Variants in PACS2 observed in about 807,000 individuals in gnomAD.
PACS2 encodes PACS1-like protein.
A neutral mutation model predicts 113.0 loss-of-function variants in PACS2; 36 were observed. That is an observed-to-expected ratio of 0.32 (90% CI 0.24 to 0.42). The LOEUF (loss-of-function observed/expected upper bound fraction) is 0.42. Among genes scored for constraint, PACS2 ranks in the 10% least tolerant of loss-of-function variants. The pLI is 1.00. For missense variants in PACS2, 1,015 were observed against 1,239.5 expected (o/e 0.82, Z 2.72); for synonymous variants, 589 against 536.1 (o/e 1.10, Z -1.36).
intron 8 of PACS2, among the ~76,000 whole-genome samples, chr14:105,375,315 T>C (rs1319487200): frequency 6.6e-6 from 1 of 151,804 alleles, no homozygotes; most frequent in Non-Finnish European, 1.5e-5. Context: ...CCATCTCTAC[T>C]AAAAATACAA....
chr14:105,335,439 C>T (rs942471889), intron 1 of PACS2, among the ~76,000 whole-genome samples: 8 of 151,694 alleles, frequency 5.3e-5, no homozygotes, highest in African/African-American at 9.7e-5. Context: ...CGGCGCCTGG[C>T]GTGGCTCTGA....
intron 4 of PACS2, among the ~76,000 whole-genome samples, chr14:105,359,367 G>T (rs2060581858): frequency 6.6e-6 from 1 of 151,492 alleles, no homozygotes; most frequent in African/African-American, 2.4e-5. Context: ...TAGTGCAGTG[G>T]CGCGATCTCA....
At chr14:105,381,770 G>A (rs1397311125) in intron 12 of PACS2, 144 bp from the exon 13 acceptor site, 2 of 728,970 alleles carry the variant, frequency 2.7e-6, no homozygotes, top group Non-Finnish European at 4.5e-6. Context: ...TGCAGCCCAT[G>A]TTCCCACTGC....
chr14:105,319,780 T>G (rs2058819505), intron 1 of PACS2, among the ~76,000 whole-genome samples: 1 of 152,340 alleles, frequency 6.6e-6, no homozygotes, highest in African/African-American at 2.4e-5. Flanking sequence ...GTTTTACCTT[T>G]AAGGACGATG....
chr14:105,390,156 C>T, intron 20 of PACS2, 153 bp downstream of exon 20: 1 of 758,088 alleles, frequency 1.3e-6, no homozygotes, highest in Non-Finnish European at 2.4e-6. Context: ...TGTCTCAAAG[C>T]TCGCTTCCTT....
intron 1 of PACS2, among the ~76,000 whole-genome samples, chr14:105,344,841 A>AG (rs1555402276): frequency 6.6e-6 from 1 of 152,198 alleles, no homozygotes; most frequent in Non-Finnish European, 1.5e-5. Flanking sequence ...GGCTGGGCGC[A>AG]GTGGCCCAGT....
At position 105,394,955 on chromosome 14, in the gene PACS2, C is replaced by T; in HGVS notation, c.*283C>T. 5.1e-6 allele frequency: 2 copies of T among 394,466 alleles called. No homozygotes were observed. The highest frequency in any genetic ancestry group is 9.6e-6 in the Non-Finnish European group (2 of 209,230). 24.4% of individuals were successfully genotyped at this position (394,466 alleles called of 1,614,324 possible). A position where few individuals can be genotyped will look rare whatever the true frequency, so the allele number is the denominator to read the frequency against. On this transcript the variant is annotated 3_prime_UTR_variant, in exon 25 of 25. Coordinates refer to ENST00000447393, the MANE Select transcript of PACS2 (RefSeq NM_001100913.3). ...GGCGTCCTCTGGCCTCAGGAGCCAC[C>T]CAGAGCCTCACAGGCTGAGTTCTTG...
Position 105,380,154 on chromosome 14 carries a change from C to A in PACS2, c.1125C>A (p.Leu375=), listed in dbSNP as rs587655882. The A allele has an allele frequency of 1.4e-5, 21 of 1,550,922 alleles. No homozygotes were observed. Among genetic ancestry groups the A allele is most frequent in the Admixed American group, 7.8e-5 (4 of 51,042 alleles). The part of the protein sequence containing the change: ...PSDSVSDTVA[L]GVPGPREHPG... ...ACAGTGTCTCTGACACGGTGGCCCT[C>A]GTAAGCAGGCTTGGGCCGCACCCAC... is the stretch of plus-strand genomic sequence containing the variant. The change falls in exon 11 of 25, where the codon CTC becomes CTA. Residue 375 remains leucine (L), a splice_region_variant and synonymous_variant. Coordinates refer to ENST00000447393, the MANE Select transcript of PACS2 (RefSeq NM_001100913.3).
intron 4 of PACS2, among the ~76,000 whole-genome samples, chr14:105,363,048 GC>G (rs1410350924): frequency 2.0e-5 from 3 of 152,178 alleles, no homozygotes; most frequent in Non-Finnish European, 4.4e-5. Flanking sequence ...CTCATAGTGG[GC>G]TTAAAACATT....
At position 105,354,905 on chromosome 14, in the gene PACS2, TG is replaced by T. The variant is rs1242562373; in HGVS notation, c.298-142del. The stretch of plus-strand genomic sequence containing the variant: ...GACCGGCATGCCACTGGGATGAACT[TG>T]GGGGCCCGTCTGTGGGTGCCCTTCC... On this transcript the variant is annotated intron_variant, in intron 3 of 24. Coordinates refer to ENST00000447393, the MANE Select transcript of PACS2 (RefSeq NM_001100913.3). This position sits in a 1 kb window ranked among gnomAD's most constrained non-coding sequence, Gnocchi z 4.2. 22 of 689,410 alleles carry T rather than the reference TG, an allele frequency of 3.2e-5. No homozygotes were observed. The African/African-American group carries it at 3.4e-4, about 11-fold the overall frequency. 42.7% of individuals were successfully genotyped at this position (689,410 alleles called of 1,614,324 possible). A position where few individuals can be genotyped will look rare whatever the true frequency, so the allele number is the denominator to read the frequency against.
At chr14:105,310,659 G>A (rs770220274), upstream of PACS2, among the ~76,000 whole-genome samples, 2 of 152,054 alleles carry the variant, frequency 1.3e-5, no homozygotes, top group African/African-American at 2.4e-5. Context: ...TTTTCAGGAC[G>A]GGGCGCAGCC....
In PACS2 at chr14:105,356,439, G is replaced by T. The variant is rs587679814; in HGVS notation, c.423+1262G>T. On this transcript the variant is annotated intron_variant, in intron 4 of 24. Transcript: ENST00000447393. The surrounding 1 kb of genome is among the most constrained non-coding windows in gnomAD (Gnocchi z 4.0). ...AAACCACGGACAGCACGGGTGGACC[G>T]GGCCTCCAGGCTGCACTTCCCAGGG... Among the ~76,000 whole-genome samples, 1 of 152,144 alleles carries T rather than the reference G, an allele frequency of 6.6e-6. No individual in the cohort carries two copies. Among genetic ancestry groups the T allele is most frequent in the African/African-American group, 2.4e-5 (1 of 41,430 alleles).
chr14:105,391,223 T>C lies in PACS2; in HGVS notation c.2093T>C (p.Ile698Thr), dbSNP rs2141301781. The change falls in exon 21 of 25, where the codon ATT becomes ACT. Residue 698 changes from isoleucine (I) to threonine (T), a missense_variant. Transcript: ENST00000447393. Reference sequence around the variant, plus strand: ...GTTTTCTAGGTTGTGAAGGTTGGAATTGTGGAGCCATCCTCGGCCACATCA... The same window carrying C: ...GTTTTCTAGGTTGTGAAGGTTGGAACTGTGGAGCCATCCTCGGCCACATCA... ...IPFVGVVKVGIVEPSSATSGD... is the reference protein window; with the variant it reads ...IPFVGVVKVGTVEPSSATSGD... The C allele has an allele frequency of 1.2e-6, 2 of 1,613,368 alleles. No homozygotes were observed. The highest frequency in any genetic ancestry group is 1.7e-6 in the Non-Finnish European group (2 of 1,179,542).
At chr14:105,393,191 G>A in intron 23 of PACS2, 31 bp from the exon 24 acceptor site, 1 of 1,549,298 alleles carries the variant, frequency 6.5e-7, no homozygotes, top group Non-Finnish European at 8.9e-7. Context: ...GGAGCAGCAA[G>A]ATGACAGCAG....
At chr14:105,345,514 C>T (rs782533080) in intron 1 of PACS2, among the ~76,000 whole-genome samples, 1 of 152,204 alleles carries the variant, frequency 6.6e-6, no homozygotes, top group Non-Finnish European at 1.5e-5. Context: ...TTTAGCTGCA[C>T]CTGGCAGATT....
chr14:105,322,757 G>A (rs1177206075), intron 1 of PACS2, among the ~76,000 whole-genome samples: 1 of 152,144 alleles, frequency 6.6e-6, no homozygotes, highest in African/African-American at 2.4e-5. Context: ...TGTGATATTT[G>A]ATGAGCTTCA....
At chr14:105,382,452 T>C (rs1555412292) in intron 13 of PACS2, 25 bp from the exon 14 acceptor site, 2 of 1,352,318 alleles carry the variant, frequency 1.5e-6, no homozygotes, top group South Asian at 1.2e-5. Context: ...CTCTTCTGGG[T>C]GTGGACAGGG....
At chr14:105,385,531 G>C (rs1472612898) in intron 18 of PACS2, among the ~76,000 whole-genome samples, 154 bp from the exon 19 acceptor site, 2 of 152,250 alleles carry the variant, frequency 1.3e-5, no homozygotes, top group African/African-American at 4.8e-5. Context: ...ACAGGGGAGA[G>C]AGCCGAGTGC....
chr14:105,355,311 GGCGGCCGGGCTCC>G lies in PACS2; in HGVS notation c.423+137_423+149del. The G allele has an allele frequency of 9.0e-7, 1 of 1,111,752 alleles. No individual in the cohort carries two copies. Among genetic ancestry groups the G allele is most frequent in the South Asian group, 1.6e-5 (1 of 61,334 alleles). 68.9% of individuals were successfully genotyped at this position (1,111,752 alleles called of 1,614,324 possible). A position where few individuals can be genotyped will look rare whatever the true frequency, so the allele number is the denominator to read the frequency against. On this transcript the variant is annotated intron_variant, in intron 4 of 24. Coordinates refer to ENST00000447393, the MANE Select transcript of PACS2 (RefSeq NM_001100913.3). This position sits in a 1 kb window ranked among gnomAD's most constrained non-coding sequence, Gnocchi z 4.1. ...AGGTGAAAATGATGAGAGGAGCCTG[GGCGGCCGGGCTCC>G]GCCATAAGGGCCAGGTGCGGCCCCA...
Sources: gnomAD v4.1 joint callset for allele counts (sites outside exome capture counted in the v4.1 genomes callset) on GRCh38, gnomAD v4.1.1 for gene constraint, Gnocchi (gnomAD v3.1) non-coding constraint, MANE v1.5 for transcripts, NCBI Gene and HGNC (gene_info 2026-07-23, HGNC 2026-07-21) for gene names.